The following LRP12 variants were observed in gnomAD, a reference collection of about 807,000 sequenced individuals.
The protein encoded by LRP12 is low-density lipoprotein receptor-related protein 12.
Under a neutral mutation model 66.0 loss-of-function variants are expected in LRP12, and 14 were observed. The ratio of observed to expected loss-of-function variants is 0.21; its 90% CI spans 0.14 to 0.33. The LOEUF (loss-of-function observed/expected upper bound fraction) is 0.33, where lower values mean the gene tolerates loss of function less well. Among genes scored for constraint, LRP12 ranks in the 10% least tolerant of loss-of-function variants. The pLI is 1.00. For missense variants in LRP12, 889 were observed against 1,053.4 expected (o/e 0.84, Z 2.16); for synonymous variants, 357 against 359.1 (o/e 0.99, Z 0.07).
chr8:104,496,511 T>C (rs547746556), intron 5 of LRP12, among the ~76,000 whole-genome samples: 41 of 152,220 alleles, frequency 2.7e-4, no homozygotes, highest in Non-Finnish European at 5.1e-4. Flanking sequence ...CATAGCTCTT[T>C]ATAGTATTAT....
At chr8:104,526,006 C>T (rs1236916358) in intron 2 of LRP12, among the ~76,000 whole-genome samples, 1 of 152,106 alleles carries the variant, frequency 6.6e-6, no homozygotes, top group African/African-American at 2.4e-5. Flanking sequence ...ATCAATTGTA[C>T]AAAAATCACA....
At chr8:104,519,635 T>A (rs1811118954) in intron 2 of LRP12, among the ~76,000 whole-genome samples, 1 of 151,922 alleles carries the variant, frequency 6.6e-6, no homozygotes, top group Non-Finnish European at 1.5e-5. Flanking sequence ...TATTTACTAG[T>A]CTAAGATGGG....
chr8:104,567,549 C>A (rs1489532582), intron 1 of LRP12, among the ~76,000 whole-genome samples: 1 of 152,056 alleles, frequency 6.6e-6, no homozygotes. Flanking sequence ...GTAAAACCAT[C>A]CCTATTTGCA....
chr8:104,513,111 T>C (rs1346261973), intron 2 of LRP12, among the ~76,000 whole-genome samples: 4 of 152,176 alleles, frequency 2.6e-5, no homozygotes, highest in Admixed American at 1.3e-4. Context: ...TAGACAAATA[T>C]GCTGTAGCAC....
chr8:104,585,144 A>G lies in LRP12; in HGVS notation c.79+3675T>C, dbSNP rs566596476. On this transcript the variant is annotated intron_variant, in intron 1 of 6. Coordinates refer to ENST00000276654, the MANE Select transcript of LRP12 (RefSeq NM_013437.5). ...ACGACTATCAAATGCTCTGGCAGCAAGTAACCAAAAATTAACCATCTGCAA... is the reference window on the plus strand; with the variant it reads ...ACGACTATCAAATGCTCTGGCAGCAGGTAACCAAAAATTAACCATCTGCAA... Among the ~76,000 whole-genome samples, 20 of 152,382 alleles carry G rather than the reference A, an allele frequency of 1.3e-4. No homozygotes were observed. In the South Asian group the frequency reaches 1.7e-3, roughly 13 times the overall value.
intron 1 of LRP12, among the ~76,000 whole-genome samples, chr8:104,570,576 G>A (rs1812062687): frequency 6.6e-6 from 1 of 152,140 alleles, no homozygotes; most frequent in South Asian, 2.1e-4. Flanking sequence ...TTATCCATAT[G>A]CAAAAACTGA....
intron 1 of LRP12, among the ~76,000 whole-genome samples, chr8:104,549,086 C>T (rs1811686955): frequency 6.6e-6 from 1 of 152,092 alleles, no homozygotes; most frequent in Admixed American, 6.6e-5. Context: ...ACCTTTCTTT[C>T]CTCTCTTTTG....
intron 1 of LRP12, among the ~76,000 whole-genome samples, chr8:104,555,285 A>C (rs1229001560): frequency 1.3e-5 from 2 of 152,218 alleles, no homozygotes; most frequent in African/African-American, 4.8e-5. Flanking sequence ...TCAGGCAACA[A>C]ATAGCATGAT....
intron 2 of LRP12, among the ~76,000 whole-genome samples, chr8:104,510,100 C>A (rs1267072263): frequency 6.6e-6 from 1 of 152,196 alleles, no homozygotes; most frequent in East Asian, 1.9e-4. Flanking sequence ...AGTTTATTTT[C>A]TTTATCATAA....
intron 2 of LRP12, among the ~76,000 whole-genome samples, chr8:104,515,950 C>T (rs1022134333): frequency 6.6e-6 from 1 of 152,102 alleles, no homozygotes; most frequent in African/African-American, 2.4e-5. Context: ...GATGGGGTCT[C>T]CCTATGTTGC....
chr8:104,578,482 T>C (rs752361311), intron 1 of LRP12, among the ~76,000 whole-genome samples: 2 of 152,176 alleles, frequency 1.3e-5, no homozygotes, highest in Non-Finnish European at 2.9e-5. Context: ...GTACTGTTCC[T>C]GCTGTAACTA....
chr8:104,493,112 T>C (rs1225038106), intron 6 of LRP12, among the ~76,000 whole-genome samples: 2 of 152,210 alleles, frequency 1.3e-5, no homozygotes, highest in Non-Finnish European at 2.9e-5. Context: ...TAGTTAAAAG[T>C]CAGTTAATTA....
intron 1 of LRP12, among the ~76,000 whole-genome samples, chr8:104,550,753 G>T (rs1257262721): frequency 1.3e-5 from 2 of 152,058 alleles, no homozygotes; most frequent in Non-Finnish European, 2.9e-5. Context: ...AAGCTTCAAA[G>T]GGGCAGAACA....
rs999596151 is a variant in LRP12 at position 104,536,497 on chromosome 8, G to C, written c.80-4534C>G. Among the ~76,000 whole-genome samples the C allele has an allele frequency of 3.3e-5, 5 of 151,972 alleles. No individual in the cohort carries two copies. In the East Asian group the frequency reaches 9.6e-4, roughly 29 times the overall value. On this transcript the variant is annotated intron_variant, in intron 1 of 6. Transcript: ENST00000276654. ...TTTTGTTTTGCAACCCCAGCGACTAGTACAAAACATAACACATAGCAGGGA... is the reference window on the plus strand; with the variant it reads ...TTTTGTTTTGCAACCCCAGCGACTACTACAAAACATAACACATAGCAGGGA...
chr8:104,491,244 C>A lies in LRP12; in HGVS notation c.2009G>T (p.Gly670Val). 6.2e-7 allele frequency: 1 copy of A among 1,614,036 alleles called. No homozygotes were observed. The highest frequency in any genetic ancestry group is 1.3e-5 in the African/African-American group (1 of 75,014). Residue 670 changes from glycine (G) to valine (V), a missense_variant, in exon 7 of 7, where the codon GGG (glycine) becomes GTG (valine). Gly to Val is a moderately radical substitution (Grantham distance 109). This residue lies in a region of LRP12 where 800 missense variants were observed against 964.5 expected (regional missense o/e 0.83). Transcript: ENST00000276654. ...ERRDMAGASG[G>V]VAAPLPQKVP... ...TTTTTGAGGCAAAGGAGCTGCAACC[C>A]CACCAGATGCTCCTGCCATATCTCT...
intron 1 of LRP12, among the ~76,000 whole-genome samples, chr8:104,533,786 G>A (rs1811359584): frequency 6.6e-6 from 1 of 151,960 alleles, no homozygotes. Flanking sequence ...GAGCAGCTGG[G>A]ACTACAGGAG....
intron 1 of LRP12, among the ~76,000 whole-genome samples, chr8:104,568,491 A>T (rs1381344092): frequency 1.3e-5 from 2 of 152,176 alleles, no homozygotes; most frequent in East Asian, 3.8e-4. Flanking sequence ...AGAACAAACT[A>T]CAAAACAGGA....
chr8:104,545,836 A>G (rs1414380141), intron 1 of LRP12, among the ~76,000 whole-genome samples: 2 of 152,124 alleles, frequency 1.3e-5, no homozygotes, highest in African/African-American at 4.8e-5. Flanking sequence ...GTATGCCTGT[A>G]TATTACTTAT....
At chr8:104,524,241 C>CAAAAAAAA (rs57379814) in intron 2 of LRP12, among the ~76,000 whole-genome samples, 2 of 96,780 alleles carry the variant, frequency 2.1e-5, no homozygotes, top group Non-Finnish European at 4.1e-5. Flanking sequence ...GACCCTGTCT[C>CAAAAAAAA]AAAAAAAAAA....
Sources: gnomAD v4.1 joint callset for allele counts (sites outside exome capture counted in the v4.1 genomes callset) on GRCh38, gnomAD v4.1.1 for gene constraint, gnomAD v4.1.1 regional missense constraint, MANE v1.5 for transcripts, NCBI Gene and HGNC (gene_info 2026-07-23, HGNC 2026-07-21) for gene names.